COL18A1: variants seen among roughly 807,000 people sequenced by gnomAD.
The protein encoded by COL18A1 is collagen type XVIII alpha 1 chain, also known as collagen alpha-1(XVIII) chain.
Under a neutral mutation model 168.0 loss-of-function variants are expected in COL18A1, and 133 were observed. The ratio of observed to expected loss-of-function variants is 0.79; its 90% confidence interval spans 0.69 to 0.91. COL18A1 has a LOEUF of 0.91. COL18A1 is among the 40% of genes least tolerant of loss of function. COL18A1 has a pLI of 0.00. For synonymous variants in COL18A1, 949 were observed against 809.0 expected (o/e 1.17, Z -2.94); for missense variants, 2,126 against 1,925.4 (o/e 1.10, Z -1.95).
chr21:45,446,440 A>T (rs544373417), intron 2 of COL18A1, among the ~76,000 whole-genome samples: 1 of 152,352 alleles, frequency 6.6e-6, no homozygotes, highest in Admixed American at 6.5e-5. Context: ...GGTGCAAACT[A>T]CTCAAACTGA....
chr21:45,421,945 G>T (rs1272061798), intron 2 of COL18A1, among the ~76,000 whole-genome samples: 1 of 152,102 alleles, frequency 6.6e-6, no homozygotes, highest in Non-Finnish European at 1.5e-5. Flanking sequence ...CCTGCCTGTG[G>T]TGTGGTGCCA....
rs185976813 is a variant in COL18A1 at position 45,482,574 on chromosome 21, T to C, written c.1675-221T>C. Among the ~76,000 whole-genome samples the C allele has an allele frequency of 3.2e-4, 49 of 152,298 alleles. No individual in the cohort carries two copies. In the East Asian group the frequency reaches 8.5e-3, roughly 26 times the overall value. ...GCCCCACGTGTAGCCAGGTCCAGCA[T>C]TGGGACCAGGCTTGGCGTCCCTTGT... On this transcript the variant is annotated intron_variant, in intron 14 of 41. Coordinates refer to ENST00000651438, the MANE Select transcript of COL18A1 (RefSeq NM_001379500.1).
chr21:45,480,782 G>A lies in COL18A1; in HGVS notation c.1535G>A (p.Ser512Asn), dbSNP rs367836626. 2.5e-5 allele frequency: 41 copies of A among 1,611,252 alleles called. No homozygotes were observed. Among genetic ancestry groups the A allele is most frequent in the Non-Finnish European group, 3.3e-5 (39 of 1,179,828 alleles). Residue 512 changes from serine (S) to asparagine (N), a missense_variant, in exon 13 of 42, where the codon AGC (serine) becomes AAC (asparagine). Transcript: ENST00000651438. The stretch of plus-strand genomic sequence containing the variant: ...GAGCCAGGCCGCTTTGGGGTGAACA[G>A]CTCCGACGTCCCAGGACCCGCCGGC... ...PGEPGRFGVN[S>N]SDVPGPAGLP...
chr21:45,497,571 G>C (rs1225314055), intron 31 of COL18A1, 28 bp from the exon 32 acceptor site: 3 of 1,553,312 alleles, frequency 1.9e-6, no homozygotes, highest in South Asian at 2.4e-5. Flanking sequence ...GCACATTCCT[G>C]ATGGGCACTG....
In COL18A1 at chr21:45,497,673, T is replaced by C. The variant is rs2036589253; in HGVS notation, c.2683+12T>C. 1.3e-5 allele frequency: 20 copies of C among 1,562,698 alleles called. No individual in the cohort carries two copies. The highest frequency in any genetic ancestry group is 1.6e-5 in the Non-Finnish European group (19 of 1,153,960). ...CCCCGGACCACCAGGTGAGCAACTC[T>C]GGACATCCCAGGCAGGAGAGCCATG... On this transcript the variant is annotated intron_variant, in intron 32 of 41. Transcript: ENST00000651438.
intron 8 of COL18A1, 96 bp downstream of exon 8, chr21:45,478,061 G>T: frequency 1.3e-6 from 1 of 780,420 alleles, no homozygotes; most frequent in Non-Finnish European, 2.1e-6. Context: ...AGTGAGCTGA[G>T]CTGGGATCGG....
chr21:45,512,129 G>A (rs1003993024), intron 41 of COL18A1, 59 bp from the exon 42 acceptor site: 44 of 1,543,760 alleles, frequency 2.9e-5, no homozygotes, highest in South Asian at 2.6e-4. Context: ...CCCGGGGAGC[G>A]GCCTCTGCCC....
At chr21:45,452,918 T>C (rs921803038) in intron 2 of COL18A1, among the ~76,000 whole-genome samples, 8 of 151,958 alleles carry the variant, frequency 5.3e-5, no homozygotes, top group African/African-American at 1.9e-4. Flanking sequence ...TACATGTGTG[T>C]GAGTATTCAC....
chr21:45,507,863 C>T (rs1290881596), intron 38 of COL18A1, among the ~76,000 whole-genome samples: 1 of 152,238 alleles, frequency 6.6e-6, no homozygotes, highest in Non-Finnish European at 1.5e-5. Flanking sequence ...CCGCTCATTG[C>T]CCTCCTCAAG....
intron 32 of COL18A1, among the ~76,000 whole-genome samples, chr21:45,503,639 G>A (rs1040767735): frequency 8.4e-6 from 1 of 119,086 alleles, no homozygotes; most frequent in Non-Finnish European, 1.7e-5. Context: ...ACTGTTGTGG[G>A]GTGGGGGGAG....
At chr21:45,434,509 G>T (rs1158319700) in intron 2 of COL18A1, among the ~76,000 whole-genome samples, 1 of 152,238 alleles carries the variant, frequency 6.6e-6, no homozygotes, top group Non-Finnish European at 1.5e-5. Context: ...CTCCCTGCCT[G>T]AGTCGGGGTG....
chr21:45,455,276 C>T (rs1383139811), intron 2 of COL18A1, among the ~76,000 whole-genome samples: 1 of 152,244 alleles, frequency 6.6e-6, no homozygotes, highest in Non-Finnish European at 1.5e-5. Flanking sequence ...ACCCTCTGTC[C>T]TCACGGAGCC....
At chr21:45,444,022 G>T (rs2034451121) in intron 2 of COL18A1, among the ~76,000 whole-genome samples, 1 of 152,198 alleles carries the variant, frequency 6.6e-6, no homozygotes, top group Non-Finnish European at 1.5e-5. Context: ...CAAGAATTCA[G>T]TGTCCCTCTG....
chr21:45,439,048 A>G (rs2034296381), intron 2 of COL18A1, among the ~76,000 whole-genome samples: 1 of 152,244 alleles, frequency 6.6e-6, no homozygotes, highest in African/African-American at 2.4e-5. Flanking sequence ...TCGGAGGTGC[A>G]GGCCACGCTC....
chr21:45,455,220 G>C (rs2034752888), intron 2 of COL18A1, among the ~76,000 whole-genome samples: 1 of 152,254 alleles, frequency 6.6e-6, no homozygotes, highest in South Asian at 2.1e-4. Flanking sequence ...TGCCCCGGCA[G>C]AGCCTAGCGG....
chr21:45,448,527 G>A (rs371268312), intron 2 of COL18A1, among the ~76,000 whole-genome samples: 1,930 of 152,268 alleles, frequency 0.013, 17 homozygotes, highest in Non-Finnish European at 0.018. Context: ...CCGTGTACAC[G>A]CGCACACGTG....
rs1374781395 is a variant in COL18A1, at chr21:45,423,469, A to G, written c.106+17996A>G. 1.3e-5 allele frequency among the ~76,000 whole-genome samples: 2 copies of G among 152,044 alleles called. No homozygotes were observed. Among genetic ancestry groups the G allele is most frequent in the South Asian group, 4.2e-4 (2 of 4,818 alleles). On this transcript the variant is annotated intron_variant, in intron 2 of 41. Coordinates refer to ENST00000651438, the MANE Select transcript of COL18A1 (RefSeq NM_001379500.1). The surrounding 1 kb of genome is among the most constrained non-coding windows in gnomAD (Gnocchi z 4.0). ...GCAGGACCCTCCCAAAGCTGTGTCC[A>G]CACACAGCTGGGCGCCCGCCCCCCG... is the stretch of plus-strand genomic sequence containing the variant.
chr21:45,496,997 G>T, intron 30 of COL18A1, 53 bp from the exon 31 acceptor site: 1 of 1,311,308 alleles, frequency 7.6e-7, no homozygotes, highest in Non-Finnish European at 1.1e-6. Flanking sequence ...AGTGGTGGTG[G>T]CCTCCATTTC....
intron 2 of COL18A1, among the ~76,000 whole-genome samples, chr21:45,411,830 G>A (rs1336577550): frequency 6.6e-6 from 1 of 151,274 alleles, no homozygotes; most frequent in Non-Finnish European, 1.5e-5. Context: ...TCTGATGGGC[G>A]ACGTTCATTT....
Sources: allele counts gnomAD v4.1 joint callset (sites outside exome capture counted in the v4.1 genomes callset), GRCh38; gene constraint gnomAD v4.1.1; non-coding constraint Gnocchi (gnomAD v3.1); transcripts MANE v1.5; gene names NCBI Gene and HGNC (gene_info 2026-07-23, HGNC 2026-07-21).